The following KCTD1 variants were observed in gnomAD, a reference collection of about 807,000 sequenced individuals.
KCTD1 encodes potassium channel tetramerization domain containing 1.
Under a neutral mutation model 66.0 loss-of-function variants are expected in KCTD1, and 24 were observed. That is an observed-to-expected ratio of 0.36 (90% CI 0.26 to 0.51). The LOEUF is 0.51. Ranked by LOEUF, KCTD1 falls within the 20% of genes least tolerant of loss-of-function variation. The pLI is 0.95. For synonymous variants in KCTD1, 511 were observed against 517.2 expected (o/e 0.99, Z 0.16); for missense variants, 943 against 1,205.2 (o/e 0.78, Z 3.22).
chr18:26,544,150 T>C (rs1985102519), intron 1 of KCTD1: 1 of 152,174 alleles, frequency 6.6e-6, no homozygotes, highest in Admixed American at 6.5e-5. Context: ...AACTACACTT[T>C]ACTTTTAACA....
chr18:26,628,420 T>C (rs529829222), intron 1 of KCTD1, among the ~76,000 whole-genome samples: 1 of 152,198 alleles, frequency 6.6e-6, no homozygotes, highest in Non-Finnish European at 1.5e-5. Context: ...AAGTTTCTTT[T>C]AAAAAGTGGA....
At position 26,600,380 on chromosome 18, in the gene KCTD1, A is replaced by G. The variant is rs1986864110; in HGVS notation, c.-16+28767T>C. Reference sequence around the variant, plus strand: ...ATGGGACCCATCTGCTCCTCCAGCCAACTCCTGTCCCTCAAATCCCACCAC... The same window carrying G: ...ATGGGACCCATCTGCTCCTCCAGCCGACTCCTGTCCCTCAAATCCCACCAC... On this transcript the variant is annotated intron_variant, in intron 1 of 4. Coordinates refer to the KCTD1 transcript ENST00000317932. 23 of 1,055,782 alleles carry G rather than the reference A, an allele frequency of 2.2e-5. No homozygotes were observed. The South Asian group carries it at 2.6e-4, about 12-fold the overall frequency. The allele number at this position is 1,055,782 out of a possible 1,614,324, so 65.4% of individuals were successfully genotyped here. A position where few individuals can be genotyped will look rare whatever the true frequency, so the allele number is the denominator to read the frequency against.
At chr18:26,601,356 A>G (rs1453166580) in intron 1 of KCTD1, among the ~76,000 whole-genome samples, 1 of 150,790 alleles carries the variant, frequency 6.6e-6, no homozygotes, top group Non-Finnish European at 1.5e-5. Context: ...AAAAGAAAGA[A>G]ATTCAATTGA....
chr18:26,587,367 G>T (rs1250305637), intron 1 of KCTD1, among the ~76,000 whole-genome samples: 4 of 152,174 alleles, frequency 2.6e-5, no homozygotes, highest in African/African-American at 9.7e-5. Context: ...AAATATTACT[G>T]CTCATTGACA....
chr18:26,477,433 A>G (rs935860426), intron 2 of KCTD1, among the ~76,000 whole-genome samples: 6 of 152,206 alleles, frequency 3.9e-5, no homozygotes, highest in African/African-American at 1.4e-4. Context: ...TATCCCACTA[A>G]TAAAGGCTGA....
At chr18:26,557,708 A>G (rs1985739993) in intron 1 of KCTD1, among the ~76,000 whole-genome samples, 1 of 151,870 alleles carries the variant, frequency 6.6e-6, no homozygotes, top group African/African-American at 2.4e-5. Context: ...CTCTCTAGCA[A>G]TCATTCTGGG....
chr18:26,491,654 G>GT (rs2144651810), intron 2 of KCTD1, among the ~76,000 whole-genome samples: 1 of 152,322 alleles, frequency 6.6e-6, no homozygotes, highest in African/African-American at 2.4e-5. Context: ...GGTAGCAAGA[G>GT]TTTTGTTCAC....
At chr18:26,504,238 T>C (rs150427196) in intron 1 of KCTD1, among the ~76,000 whole-genome samples, 1 of 152,166 alleles carries the variant, frequency 6.6e-6, no homozygotes, top group East Asian at 1.9e-4. Context: ...CTCAGCTAAC[T>C]ATTATTATTA....
intron 1 of KCTD1, among the ~76,000 whole-genome samples, chr18:26,523,150 C>T (rs1983995114): frequency 6.6e-6 from 1 of 151,892 alleles, no homozygotes; most frequent in Non-Finnish European, 1.5e-5. Flanking sequence ...TAGATATTAC[C>T]AAGTGGAGGC....
In KCTD1 at chr18:26,476,505, G is replaced by T; in HGVS notation, c.2133+10C>A. 1 of 1,599,268 alleles carries T rather than the reference G, an allele frequency of 6.3e-7. No individual in the cohort carries two copies. The highest frequency in any genetic ancestry group is 8.5e-7 in the Non-Finnish European group (1 of 1,176,196). Reference sequence around the variant, plus strand: ...TTTATGCTATTGGTGATTTAACATGGATCCCTCACCTTGAAATCATCAGGA... The same window carrying T: ...TTTATGCTATTGGTGATTTAACATGTATCCCTCACCTTGAAATCATCAGGA... On this transcript the variant is annotated intron_variant, in intron 3 of 4. Coordinates refer to ENST00000580059, the MANE Select transcript of KCTD1 (RefSeq NM_001142730.3). This position sits in a 1 kb window ranked among gnomAD's most constrained non-coding sequence, Gnocchi z 4.9.
chr18:26,515,336 G>A (rs527835685), intron 1 of KCTD1, among the ~76,000 whole-genome samples: 38 of 152,202 alleles, frequency 2.5e-4, no homozygotes, highest in South Asian at 1.9e-3. Flanking sequence ...AGGAACACAC[G>A]GAGGCAGCAA....
chr18:26,617,862 AG>A, intron 1 of KCTD1, among the ~76,000 whole-genome samples: 1 of 4,104 alleles, frequency 2.4e-4, no homozygotes, highest in African/African-American at 5.1e-4. Context: ...GGAGGGAGGG[AG>A]GGAGGGAGGG....
intron 1 of KCTD1, among the ~76,000 whole-genome samples, chr18:26,607,825 T>C (rs1267198956): frequency 1.3e-5 from 2 of 152,182 alleles, no homozygotes; most frequent in African/African-American, 4.8e-5. Flanking sequence ...TGGAGTGCAG[T>C]GGTGTGATCT....
intron 1 of KCTD1, among the ~76,000 whole-genome samples, chr18:26,507,201 TTAGA>T (rs1983088479): frequency 6.6e-6 from 1 of 152,136 alleles, no homozygotes; most frequent in Admixed American, 6.6e-5. Context: ...AAATTTTAAC[TTAGA>T]TAGCTACCTG....
chr18:26,518,963 G>A (rs1444243145), intron 1 of KCTD1, among the ~76,000 whole-genome samples: 1 of 152,200 alleles, frequency 6.6e-6, no homozygotes, highest in Non-Finnish European at 1.5e-5. Flanking sequence ...TATTATAAAT[G>A]TAAACTTTAC....
chr18:26,540,218 A>G (rs1403516294), intron 1 of KCTD1, among the ~76,000 whole-genome samples: 1 of 152,222 alleles, frequency 6.6e-6, no homozygotes, highest in Non-Finnish European at 1.5e-5. Context: ...TAATTTGGCA[A>G]CTGAATTACT....
At chr18:26,470,036 A>C (rs1980968218) in intron 3 of KCTD1, among the ~76,000 whole-genome samples, 1 of 152,222 alleles carries the variant, frequency 6.6e-6, no homozygotes, top group Non-Finnish European at 1.5e-5. Context: ...AAACATCAGA[A>C]AGTAGATCAG....
intron 2 of KCTD1, among the ~76,000 whole-genome samples, chr18:26,491,421 A>G (rs1982195664): frequency 6.6e-6 from 1 of 152,252 alleles, no homozygotes; most frequent in Admixed American, 6.5e-5. Flanking sequence ...ACGAGCCATC[A>G]GACAAGTGGC....
At chr18:26,549,687 G>T, upstream of KCTD1, 1 of 979,422 alleles carries the variant, frequency 1.0e-6, no homozygotes, top group Non-Finnish European at 1.2e-6. Flanking sequence ...CGACCCTGCC[G>T]CAGCCACAAT....
Sources: allele counts gnomAD v4.1 joint callset (sites outside exome capture counted in the v4.1 genomes callset), GRCh38; gene constraint gnomAD v4.1.1; non-coding constraint Gnocchi (gnomAD v3.1); transcripts MANE v1.5; gene names NCBI Gene and HGNC (gene_info 2026-07-23, HGNC 2026-07-21).